Variants in GLRA2 observed in about 807,000 individuals in gnomAD.
The protein encoded by GLRA2 is glycine receptor alpha 2.
GLRA2 carries 11 observed loss-of-function variants against 31.6 expected under a neutral mutation model. The observed-to-expected ratio is 0.35, with a 90% CI of 0.22 to 0.58. The LOEUF (loss-of-function observed/expected upper bound fraction) is 0.58. Among genes scored for constraint, GLRA2 ranks in the 20% least tolerant of loss-of-function variants. GLRA2 has a pLI of 0.84. For synonymous variants in GLRA2, 132 were observed against 134.0 expected (o/e 0.99, Z 0.10); for missense variants, 212 against 351.8 (o/e 0.60, Z 3.18).
chrX:14,689,622 T>A (rs1276824749), intron 7 of GLRA2, among the ~76,000 whole-genome samples: 1 of 112,022 alleles, frequency 8.9e-6, no homozygotes, highest in African/African-American at 3.2e-5. Context: ...AAAATTGGGA[T>A]GAGTTGTTGT....
the GLRA2 span, among the ~76,000 whole-genome samples, chrX:14,477,757 C>T: frequency 6.3e-5 from 7 of 110,571 alleles, no homozygotes; most frequent in Non-Finnish European, 1.1e-4. Flanking sequence ...TTAGATCTCC[C>T]GAAAGTAATG....
At chrX:14,604,743 A>T (rs1156858921) in intron 5 of GLRA2, among the ~76,000 whole-genome samples, 2 of 110,770 alleles carry the variant, frequency 1.8e-5, no homozygotes, top group African/African-American at 6.5e-5. Flanking sequence ...TAAAATTATT[A>T]GTCATTAAAT....
At chrX:14,517,969 T>C in the GLRA2 span, among the ~76,000 whole-genome samples, 1 of 111,432 alleles carries the variant, frequency 9.0e-6, no homozygotes, top group South Asian at 3.7e-4. Flanking sequence ...TTGTAAGACA[T>C]AAACTGGCAA....
At chrX:14,525,668 C>T (rs978763740), upstream of GLRA2, among the ~76,000 whole-genome samples, 8 of 111,060 alleles carry the variant, frequency 7.2e-5, no homozygotes, top group African/African-American at 2.6e-4. Flanking sequence ...AGGTAGAACT[C>T]GAATCAAGGA....
At chrX:14,472,618 G>A in the GLRA2 span, among the ~76,000 whole-genome samples, 3 of 111,154 alleles carry the variant, frequency 2.7e-5, no homozygotes, top group African/African-American at 6.5e-5. Flanking sequence ...ACTAATACGC[G>A]AGAACAGGAG....
At chrX:14,454,050 G>T in the GLRA2 span, among the ~76,000 whole-genome samples, 1 of 111,003 alleles carries the variant, frequency 9.0e-6, no homozygotes, top group Admixed American at 9.6e-5. Flanking sequence ...GTAGTAGAAA[G>T]GTGAGTTGGT....
upstream of GLRA2, among the ~76,000 whole-genome samples, chrX:14,527,605 C>A (rs960742434): frequency 9.4e-6 from 1 of 106,274 alleles, no homozygotes; most frequent in African/African-American, 3.5e-5. Context: ...CAGAGTGAGA[C>A]TCCATCTCGG....
chrX:14,682,507 A>C (rs1196879003), intron 7 of GLRA2, among the ~76,000 whole-genome samples: 1 of 111,516 alleles, frequency 9.0e-6, no homozygotes, highest in African/African-American at 3.3e-5. Flanking sequence ...AATAATTGCA[A>C]ACATTTATAA....
At chrX:14,493,630 TAC>T in the GLRA2 span, among the ~76,000 whole-genome samples, 12 of 94,804 alleles carry the variant, frequency 1.3e-4, no homozygotes, top group East Asian at 1.5e-3. Context: ...TACACATATA[TAC>T]ATATATACAT....
At chrX:14,557,080 C>T (rs1284074897) in intron 2 of GLRA2, among the ~76,000 whole-genome samples, 3 of 105,653 alleles carry the variant, frequency 2.8e-5, no homozygotes, top group African/African-American at 1.0e-4. Flanking sequence ...ATTATACTGC[C>T]ATGTCTTCAC....
chrX:14,532,636 G>T (rs371047839), intron 2 of GLRA2, among the ~76,000 whole-genome samples: 36 of 111,175 alleles, frequency 3.2e-4, no homozygotes, highest in African/African-American at 8.5e-4. Context: ...TTATTTTTTC[G>T]TAAGTGGGAG....
chrX:14,718,162 G>A (rs1403108401), intron 8 of GLRA2, among the ~76,000 whole-genome samples: 1 of 111,271 alleles, frequency 9.0e-6, no homozygotes, highest in East Asian at 2.8e-4. Flanking sequence ...CAGTGATGCT[G>A]TATCTCAAGT....
chrX:14,525,282 T>A (rs2089184061), upstream of GLRA2, among the ~76,000 whole-genome samples: 1 of 111,456 alleles, frequency 9.0e-6, no homozygotes, highest in South Asian at 3.7e-4. Context: ...CCTCAACCAG[T>A]TACAGTTTGG....
the GLRA2 span, among the ~76,000 whole-genome samples, chrX:14,501,325 G>A: frequency 1.8e-5 from 2 of 111,891 alleles, no homozygotes; most frequent in African/African-American, 3.2e-5. Flanking sequence ...TCCCAGGTGG[G>A]CTACGCATCC....
intron 3 of GLRA2, among the ~76,000 whole-genome samples, chrX:14,580,731 A>G (rs960168800): frequency 8.9e-6 from 1 of 112,209 alleles, no homozygotes; most frequent in Non-Finnish European, 1.9e-5. Context: ...TAAGATTTTC[A>G]CTACTCAAAT....
chrX:14,654,067 G>C (rs773185914), intron 7 of GLRA2, among the ~76,000 whole-genome samples: 1 of 111,926 alleles, frequency 8.9e-6, no homozygotes, highest in Non-Finnish European at 1.9e-5. Context: ...CAAGGCTGCA[G>C]TGAACTATGA....
chrX:14,510,085 T>C, the GLRA2 span, among the ~76,000 whole-genome samples: 1 of 111,358 alleles, frequency 9.0e-6, no homozygotes, highest in African/African-American at 3.3e-5. Flanking sequence ...AGAGAGGATT[T>C]ATTAAAGGGA....
At chrX:14,537,576 C>G (rs2089343035) in intron 2 of GLRA2, among the ~76,000 whole-genome samples, 2 of 111,109 alleles carry the variant, frequency 1.8e-5, no homozygotes, top group South Asian at 7.7e-4. Flanking sequence ...AATAACTATT[C>G]TAACCTAGCT....
At chrX:14,552,776 G>A (rs139719543) in intron 2 of GLRA2, among the ~76,000 whole-genome samples, 14 of 111,710 alleles carry the variant, frequency 1.3e-4, no homozygotes, top group Non-Finnish European at 2.3e-4. Flanking sequence ...CTCATCAGAG[G>A]GCTTGCTTTT....
Sources: allele counts gnomAD v4.1 joint callset (sites outside exome capture counted in the v4.1 genomes callset), GRCh38; gene constraint gnomAD v4.1.1; transcripts MANE v1.5; gene names NCBI Gene and HGNC (gene_info 2026-07-23, HGNC 2026-07-21).